Variants in AOX1 observed in about 807,000 individuals in gnomAD.
AOX1 encodes aldehyde oxidase 1.
In AOX1, 153 loss-of-function variants were observed where a neutral mutation model predicts 169.5. The observed-to-expected ratio is 0.90, with a 90% CI of 0.79 to 1.03. The LOEUF is 1.03. AOX1 is among the 50% of genes least tolerant of loss of function. The pLI, the probability that AOX1 is intolerant of heterozygous loss-of-function variation, is 0.00. For synonymous variants in AOX1, 562 were observed against 581.9 expected, an observed-to-expected ratio of 0.97 and a Z score of 0.49; for missense variants, 1,656 against 1,663.9, an observed-to-expected ratio of 1.00 and a Z score of 0.08.
intron 20 of AOX1, 120 bp downstream of exon 20, chr2:200,627,569 G>A (rs2035032951): frequency 3.0e-6 from 2 of 675,896 alleles, no homozygotes; most frequent in Admixed American, 5.1e-5. Context: ...TCAGGAACAG[G>A]CAGAACAGGC....
At chr2:200,632,837 C>T (rs1387561517) in intron 20 of AOX1, among the ~76,000 whole-genome samples, 7 of 151,894 alleles carry the variant, frequency 4.6e-5, no homozygotes, top group Admixed American at 6.6e-5. Flanking sequence ...CTTCTTCTGG[C>T]CTCCATGGTT....
intron 10 of AOX1, among the ~76,000 whole-genome samples, chr2:200,605,988 A>G (rs891234363): frequency 6.6e-6 from 1 of 152,226 alleles, no homozygotes; most frequent in African/African-American, 2.4e-5. Flanking sequence ...CTTTAGTTTA[A>G]TTAGATCCCA....
chr2:200,658,255 T>C (rs1386392699), intron 27 of AOX1, among the ~76,000 whole-genome samples: 2 of 152,244 alleles, frequency 1.3e-5, no homozygotes, highest in Non-Finnish European at 1.5e-5. Flanking sequence ...GTGAATGTTA[T>C]GGATTGTTGA....
At chr2:200,645,059 T>C (rs2035422939) in intron 25 of AOX1, among the ~76,000 whole-genome samples, 1 of 152,218 alleles carries the variant, frequency 6.6e-6, no homozygotes, top group Non-Finnish European at 1.5e-5. Context: ...CTGATTGCTC[T>C]AGCTAGGATT....
chr2:200,637,593 A>G (rs761165535), intron 22 of AOX1, among the ~76,000 whole-genome samples: 14 of 152,156 alleles, frequency 9.2e-5, no homozygotes, highest in African/African-American at 3.4e-4. Flanking sequence ...ACATATATAC[A>G]TATACGTGTA....
In AOX1 at chr2:200,623,997, T is replaced by A. The variant is rs760906365; in HGVS notation, c.2124+14T>A. The A allele has an allele frequency of 1.9e-6, 3 of 1,612,520 alleles. No homozygotes were observed. The highest frequency in any genetic ancestry group is 2.5e-6 in the Non-Finnish European group (3 of 1,178,636). On this transcript the variant is annotated intron_variant, in intron 19 of 34. Coordinates refer to ENST00000374700, the MANE Select transcript of AOX1 (RefSeq NM_001159.4). The stretch of plus-strand genomic sequence containing the variant: ...CTAACAATTGAGGTAATGAGTTCTG[T>A]GGAATGGTGGTGCCAGTTGGGAGCC...
chr2:200,662,386 G>A (rs2035844519), intron 30 of AOX1, among the ~76,000 whole-genome samples: 1 of 152,320 alleles, frequency 6.6e-6, no homozygotes, highest in African/African-American at 2.4e-5. Flanking sequence ...GCAGGCCATG[G>A]AGCTTGATGG....
At chr2:200,630,026 A>G (rs1448070249) in intron 20 of AOX1, among the ~76,000 whole-genome samples, 1 of 152,024 alleles carries the variant, frequency 6.6e-6, no homozygotes, top group East Asian at 1.9e-4. Flanking sequence ...AGGACATTTG[A>G]GGCCAGGAGT....
chr2:200,601,091 T>TTTG lies in AOX1; in HGVS notation c.437-1193_437-1192insTTG, dbSNP rs1553567016. On this transcript the variant is annotated intron_variant, in intron 5 of 34. Coordinates refer to ENST00000374700, the MANE Select transcript of AOX1 (RefSeq NM_001159.4). ...TAGAGTGCTTTTTTTTTTTTTTTTT[T>TTTG]GTCACAGTAAGTGTTAAGAATGAGG... Among the ~76,000 whole-genome samples the TTTG allele has an allele frequency of 2.9e-5, 4 of 139,714 alleles. 1 individual carries two copies. The highest frequency in any genetic ancestry group is 2.2e-4 in the South Asian group (1 of 4,470). 91.7% of individuals were successfully genotyped at this position (139,714 alleles called of 152,430 possible).
chr2:200,655,273 A>G (rs1252558613), intron 26 of AOX1, among the ~76,000 whole-genome samples: 1 of 152,192 alleles, frequency 6.6e-6, no homozygotes, highest in Non-Finnish European at 1.5e-5. Context: ...GCAAAGCACA[A>G]TGAAGTGCCA....
chr2:200,590,512 C>T (rs2034146886), intron 1 of AOX1, among the ~76,000 whole-genome samples: 2 of 152,084 alleles, frequency 1.3e-5, no homozygotes, highest in Admixed American at 6.5e-5. Flanking sequence ...GGACAAGATG[C>T]GTGCTAGATC....
intron 20 of AOX1, among the ~76,000 whole-genome samples, chr2:200,630,548 G>GGGGAAGGAAGGA (rs2035098518): frequency 8.3e-6 from 1 of 120,556 alleles, no homozygotes; most frequent in Admixed American, 8.9e-5. Flanking sequence ...GGAAGGAAGG[G>GGGGAAGGAAGGA]AGGAAGGAAG....
chr2:200,633,667 A>G (rs1574939128), intron 20 of AOX1, among the ~76,000 whole-genome samples: 1 of 152,236 alleles, frequency 6.6e-6, no homozygotes, highest in South Asian at 2.1e-4. Flanking sequence ...TCCTTGTCAG[A>G]TAATTCTAAC....
chr2:200,660,146 T>C (rs944574050), intron 29 of AOX1, 77 bp downstream of exon 29: 8 of 1,228,458 alleles, frequency 6.5e-6, no homozygotes, highest in African/African-American at 6.0e-5. Flanking sequence ...TGTGCATTAA[T>C]TGAAATCTGT....
At chr2:200,641,027 G>A (rs2035341795) in intron 23 of AOX1, 71 bp from the exon 24 acceptor site, 2 of 1,024,806 alleles carry the variant, frequency 2.0e-6, no homozygotes, top group South Asian at 2.6e-5. Context: ...ATGTGTGGAG[G>A]GTTTGCAAAT....
intron 26 of AOX1, among the ~76,000 whole-genome samples, chr2:200,652,635 G>A (rs2035602307): frequency 6.6e-6 from 1 of 152,180 alleles, no homozygotes; most frequent in Admixed American, 6.5e-5. Context: ...GGATCCTCTG[G>A]AAATCCTCTC....
At chr2:200,649,854 C>T (rs1157945944) in intron 25 of AOX1, among the ~76,000 whole-genome samples, 1 of 152,192 alleles carries the variant, frequency 6.6e-6, no homozygotes, top group Non-Finnish European at 1.5e-5. Flanking sequence ...TGTGACTTCT[C>T]CCGGCAAGCT....
intron 29 of AOX1, among the ~76,000 whole-genome samples, chr2:200,661,074 A>G (rs2035809840): frequency 6.6e-6 from 1 of 152,218 alleles, no homozygotes; most frequent in African/African-American, 2.4e-5. Context: ...CATAGTAGTC[A>G]GCTCTGTGTA....
intron 16 of AOX1, among the ~76,000 whole-genome samples, chr2:200,619,418 C>T (rs2034835204): frequency 6.6e-6 from 1 of 152,148 alleles, no homozygotes; most frequent in African/African-American, 2.4e-5. Context: ...GGCCTCAGTC[C>T]CAGTACCGAG....
Sources: gnomAD v4.1 joint callset for allele counts (sites outside exome capture counted in the v4.1 genomes callset) on GRCh38, gnomAD v4.1.1 for gene constraint, MANE v1.5 for transcripts, NCBI Gene and HGNC (gene_info 2026-07-23, HGNC 2026-07-21) for gene names.